The following IGSF9B variants were observed in gnomAD, a reference collection of about 807,000 sequenced individuals.
The protein encoded by IGSF9B is protein turtle homolog B.
In IGSF9B, 48 loss-of-function variants were observed where a neutral mutation model predicts 143.7. The ratio of observed to expected loss-of-function variants is 0.33; its 90% CI spans 0.26 to 0.42. The LOEUF (loss-of-function observed/expected upper bound fraction) is 0.42. IGSF9B is among the 20% of genes least tolerant of loss of function. IGSF9B has a pLI of 1.00. For synonymous variants in IGSF9B, 903 were observed against 833.1 expected (o/e 1.08, Z -1.44); for missense variants, 1,706 against 1,980.0 (o/e 0.86, Z 2.63).
chr11:133,910,729 C>A (rs887146258), intron 19 of IGSF9B, among the ~76,000 whole-genome samples: 3 of 152,200 alleles, frequency 2.0e-5, no homozygotes, highest in Non-Finnish European at 4.4e-5. Context: ...CACCACAGAA[C>A]TGGTAACAGG....
At chr11:133,943,332 G>C (rs1053533654) in intron 3 of IGSF9B, among the ~76,000 whole-genome samples, 1 of 152,104 alleles carries the variant, frequency 6.6e-6, no homozygotes, top group African/African-American at 2.4e-5. Context: ...TTTAAAACCC[G>C]CTCCCCTCCC....
intron 13 of IGSF9B, among the ~76,000 whole-genome samples, 195 bp from the exon 14 acceptor site, chr11:133,926,160 G>T (rs1440969625): frequency 6.6e-6 from 1 of 152,232 alleles, no homozygotes; most frequent in Non-Finnish European, 1.5e-5. Context: ...AAAGGGAAGA[G>T]AAATGGGAAC....
At chr11:133,912,125 G>T in intron 18 of IGSF9B, 118 bp from the exon 19 acceptor site, 1 of 1,185,080 alleles carries the variant, frequency 8.4e-7, no homozygotes, top group Non-Finnish European at 1.2e-6. Flanking sequence ...GTCCTACAGA[G>T]CCCAAGGTGC....
intron 1 of IGSF9B, chr11:133,952,277 A>C (rs1422864554): frequency 3.0e-6 from 1 of 337,540 alleles, no homozygotes; most frequent in South Asian, 2.3e-5. Context: ...ATCCAACCCC[A>C]GAGTCCTCTG....
rs1241159617 is a variant in IGSF9B, at chr11:133,948,121, G to A, written c.65-1863C>T. On this transcript the variant is annotated intron_variant, in intron 1 of 19. Transcript: ENST00000533871. This position sits in a 1 kb window ranked among gnomAD's most constrained non-coding sequence, Gnocchi z 4.7. ...TGTGTTTCGGTTGGCTCATGCAAGG[G>A]GAGGGGTTCTGCCTGCTTCTCTGTA... is the stretch of plus-strand genomic sequence containing the variant. Among the ~76,000 whole-genome samples, 3 of 150,800 alleles carry A rather than the reference G, an allele frequency of 2.0e-5. No homozygotes were observed. Among genetic ancestry groups the A allele is most frequent in the African/African-American group, 7.4e-5 (3 of 40,788 alleles).
In IGSF9B at chr11:133,911,912, C is replaced by A; in HGVS notation, c.4079G>T (p.Gly1360Val). The A allele has an allele frequency of 6.5e-7, 1 of 1,534,332 alleles. No homozygotes were observed. The highest frequency in any genetic ancestry group is 1.2e-5 in the South Asian group (1 of 83,798). Residue 1360 changes from glycine to valine, a missense_variant, in exon 19 of 20, where the codon GGC (glycine) becomes GTC (valine). Gly to Val is a moderately radical substitution (Grantham distance 109, BLOSUM62 -3). Coordinates refer to ENST00000533871, the MANE Select transcript of IGSF9B (RefSeq NM_001277285.4). ...GGATCGTTTCTTTGACTTCGAAGAG[C>A]CCTTGGATGACTTTTTGGGCTTCTT... ...RIKKPKKSSKGSSKSKKRSDD... is the reference protein window; with the variant it reads ...RIKKPKKSSKVSSKSKKRSDD...
rs751812874 is a variant in IGSF9B, at chr11:133,931,589, C to T, written c.1252-20G>A. 2 of 1,611,608 alleles carry T rather than the reference C, an allele frequency of 1.2e-6. No individual in the cohort carries two copies. The highest frequency in any genetic ancestry group is 1.3e-5 in the African/African-American group (1 of 75,014). Reference sequence around the variant, plus strand: ...GGGGTCCTGGGGAGGAAAGCACAGGCACCCTCGTGAGGCCGGGGATCCAGG... The same window carrying T: ...GGGGTCCTGGGGAGGAAAGCACAGGTACCCTCGTGAGGCCGGGGATCCAGG... On this transcript the variant is annotated intron_variant, in intron 9 of 19. Coordinates refer to ENST00000533871, the MANE Select transcript of IGSF9B (RefSeq NM_001277285.4). This position sits in a 1 kb window ranked among gnomAD's most constrained non-coding sequence, Gnocchi z 7.7.
Position 133,901,682 on chromosome 11 carries a change from G to C in IGSF9B, c.*7387C>G, listed in dbSNP as rs546635246. ...ATTAAAGATGGTGCATTACTAATTTGACCCTCCTACCCAAACAGAAGTTGT... is the reference window on the plus strand; with the variant it reads ...ATTAAAGATGGTGCATTACTAATTTCACCCTCCTACCCAAACAGAAGTTGT... On this transcript the variant is annotated 3_prime_UTR_variant, in exon 20 of 20. Transcript: ENST00000533871. 8 of 151,990 alleles carry C rather than the reference G, an allele frequency of 5.3e-5. No individual in the cohort carries two copies. The highest frequency in any genetic ancestry group is 1.0e-4 in the Non-Finnish European group (7 of 67,986). 9.4% of individuals were successfully genotyped at this position (151,990 alleles called of 1,614,324 possible).
At chr11:133,942,643 G>A (rs1405427661) in intron 3 of IGSF9B, among the ~76,000 whole-genome samples, 1 of 152,216 alleles carries the variant, frequency 6.6e-6, no homozygotes, top group Non-Finnish European at 1.5e-5. Flanking sequence ...GAGCACAGTC[G>A]AGAAGGGAAG....
chr11:133,896,648 A>T lies in IGSF9B; in HGVS notation c.*12421T>A, dbSNP rs555736921. ...CACGTGTTTGCTCATTTTGATTTGT[A>T]ATTCAGGATATGAACATGCAGTGTT... On this transcript the variant is annotated 3_prime_UTR_variant, in exon 20 of 20. Transcript: ENST00000533871. 1 of 152,206 alleles carries T rather than the reference A, an allele frequency of 6.6e-6. No individual in the cohort carries two copies. Among genetic ancestry groups the T allele is most frequent in the African/African-American group, 2.4e-5 (1 of 41,508 alleles). 9.4% of individuals were successfully genotyped at this position (152,206 alleles called of 1,614,324 possible).
chr11:133,921,431 G>A, intron 17 of IGSF9B, 34 bp from the exon 18 acceptor site: 1 of 1,436,102 alleles, frequency 7.0e-7, no homozygotes, highest in Non-Finnish European at 9.2e-7. Context: ...GAGGGGATGA[G>A]GTGGGGCAGT....
intron 3 of IGSF9B, among the ~76,000 whole-genome samples, chr11:133,938,999 A>G (rs1412989712): frequency 6.6e-6 from 1 of 152,270 alleles, no homozygotes; most frequent in Non-Finnish European, 1.5e-5. Flanking sequence ...CCACTGAGGC[A>G]TTCACGGGAA....
chr11:133,919,695 G>T (rs760427676), intron 18 of IGSF9B, 47 bp downstream of exon 18: 4 of 1,224,520 alleles, frequency 3.3e-6, no homozygotes, highest in Non-Finnish European at 4.3e-6. Context: ...GCGGGTGGGG[G>T]AAGGAAGTTG....
At position 133,906,528 on chromosome 11, in the gene IGSF9B, G is replaced by A. The variant is rs558858741; in HGVS notation, c.*2541C>T. 3.9e-5 allele frequency among the ~76,000 whole-genome samples: 6 copies of A among 152,348 alleles called. No individual in the cohort carries two copies. Among genetic ancestry groups the A allele is most frequent in the South Asian group, 4.1e-4 (2 of 4,828 alleles). ...GCACGGCTCCCCGCGTTGGGTCTAC[G>A]TGCTGAGGTCATGGGCACTGCCAGA... is the stretch of plus-strand genomic sequence containing the variant. On this transcript the variant is annotated 3_prime_UTR_variant, in exon 20 of 20. Coordinates refer to ENST00000533871, the MANE Select transcript of IGSF9B (RefSeq NM_001277285.4).
rs561796372 is a variant in IGSF9B, at chr11:133,931,302, G to C, written c.1368+151C>G. 43 of 849,614 alleles carry C rather than the reference G, an allele frequency of 5.1e-5. No individual in the cohort carries two copies. In the South Asian group the frequency reaches 7.3e-4, roughly 15 times the overall value. The allele number at this position is 849,614 out of a possible 1,614,324, so 52.6% of individuals were successfully genotyped here. A position where few individuals can be genotyped will look rare whatever the true frequency, so the allele number is the denominator to read the frequency against. Reference sequence around the variant, plus strand: ...AGCTCACTGCTCGGCATCTAGCCTGGTCAGGGCAGGTCCAGAATAGAACTG... The same window carrying C: ...AGCTCACTGCTCGGCATCTAGCCTGCTCAGGGCAGGTCCAGAATAGAACTG... On this transcript the variant is annotated intron_variant, in intron 10 of 19. Transcript: ENST00000533871. This position sits in a 1 kb window ranked among gnomAD's most constrained non-coding sequence, Gnocchi z 7.7.
intron 1 of IGSF9B, among the ~76,000 whole-genome samples, chr11:133,951,386 G>A (rs1369523414): frequency 6.6e-6 from 1 of 152,174 alleles, no homozygotes; most frequent in Non-Finnish European, 1.5e-5. Flanking sequence ...AACCTCTCAG[G>A]TTCGGAAGCC....
At chr11:133,927,594 G>A (rs994473079) in intron 12 of IGSF9B, among the ~76,000 whole-genome samples, 1 of 152,188 alleles carries the variant, frequency 6.6e-6, no homozygotes, top group African/African-American at 2.4e-5. Context: ...GAGATGTCCA[G>A]GGTATAAGAC....
chr11:133,940,203 C>T (rs1170275658), intron 3 of IGSF9B, among the ~76,000 whole-genome samples: 1 of 141,828 alleles, frequency 7.1e-6, no homozygotes, highest in Non-Finnish European at 1.5e-5. Context: ...AAACACACAC[C>T]TCGCACATCC....
At chr11:133,932,239 G>C in intron 7 of IGSF9B, 26 bp from the exon 8 acceptor site, 1 of 1,542,830 alleles carries the variant, frequency 6.5e-7, no homozygotes. Flanking sequence ...GCAGGTGAGA[G>C]AGCAGACAGA....
Sources: gnomAD v4.1 joint callset for allele counts (sites outside exome capture counted in the v4.1 genomes callset) on GRCh38, gnomAD v4.1.1 for gene constraint, Gnocchi (gnomAD v3.1) non-coding constraint, MANE v1.5 for transcripts, NCBI Gene and HGNC (gene_info 2026-07-23, HGNC 2026-07-21) for gene names.